Variants in PLCG2 observed in about 807,000 individuals in gnomAD.
PLCG2 encodes phospholipase C gamma 2.
In PLCG2, 69 loss-of-function variants were observed where a neutral mutation model predicts 175.6. The ratio of observed to expected loss-of-function variants is 0.39; its 90% CI spans 0.32 to 0.48. The LOEUF is 0.48. Among genes scored for constraint, PLCG2 ranks in the 20% least tolerant of loss-of-function variants. The probability of loss-of-function intolerance (pLI) is 0.91; values close to 1 mark genes in which losing one functional copy is unlikely to be tolerated. For missense variants in PLCG2, 1,798 were observed against 1,650.9 expected, an observed-to-expected ratio of 1.09 and a Z score of -1.54; for synonymous variants, 827 against 624.0, an observed-to-expected ratio of 1.33 and a Z score of -4.85.
intron 4 of PLCG2, among the ~76,000 whole-genome samples, 181 bp downstream of exon 4, chr16:81,858,537 A>G (rs1178989459): frequency 6.6e-6 from 1 of 152,192 alleles, no homozygotes; most frequent in African/African-American, 2.4e-5. Flanking sequence ...TTTTCAAATA[A>G]GAGCATTTCC....
rs944889432 is a variant in PLCG2 at position 81,848,715 on chromosome 16, C to G, written c.194-5729C>G. On this transcript the variant is annotated intron_variant, in intron 2 of 32. Coordinates refer to ENST00000564138, the MANE Select transcript of PLCG2 (RefSeq NM_002661.5). ...TTTCCAAGAACTACTTATTGGGCCCCGCTGTGTGCCAGCTACTCTGATAGG... is the reference window on the plus strand; with the variant it reads ...TTTCCAAGAACTACTTATTGGGCCCGGCTGTGTGCCAGCTACTCTGATAGG... 2.6e-5 allele frequency among the ~76,000 whole-genome samples: 4 copies of G among 152,138 alleles called. No individual in the cohort carries two copies. In the South Asian group the frequency reaches 8.3e-4, roughly 32 times the overall value.
chr16:81,814,572 G>A (rs1238444506), intron 2 of PLCG2, among the ~76,000 whole-genome samples: 2 of 152,184 alleles, frequency 1.3e-5, no homozygotes, highest in South Asian at 2.1e-4. Context: ...GCATGTGCCT[G>A]TAATCCTAGC....
chr16:81,958,243 T>A lies in PLCG2; in HGVS notation c.*245T>A. On this transcript the variant is annotated 3_prime_UTR_variant, in exon 33 of 33. Coordinates refer to ENST00000564138, the MANE Select transcript of PLCG2 (RefSeq NM_002661.5). ...GATTCCCCAAAATGTGCTCCTCATT[T>A]TTGGCCTCTCATGTTCCAAACCTCA... The A allele has an allele frequency of 1.9e-6, 1 of 525,344 alleles. No homozygotes were observed. The highest frequency in any genetic ancestry group is 3.4e-6 in the Non-Finnish European group (1 of 290,696). The allele number at this position is 525,344 out of a possible 1,614,324, so 32.5% of individuals were successfully genotyped here. A position where few individuals can be genotyped will look rare whatever the true frequency, so the allele number is the denominator to read the frequency against.
At position 81,927,189 on chromosome 16, in the gene PLCG2, C is replaced by G. The variant is rs1910310581; in HGVS notation, c.2514+11C>G. Reference sequence around the variant, plus strand: ...GAGCTAGAAAAGCAGGTGAGTCCCCCTCTTCGATCCTCTTACAGGAAGAAG... The same window carrying G: ...GAGCTAGAAAAGCAGGTGAGTCCCCGTCTTCGATCCTCTTACAGGAAGAAG... On this transcript the variant is annotated intron_variant, in intron 23 of 32. Coordinates refer to ENST00000564138, the MANE Select transcript of PLCG2 (RefSeq NM_002661.5). 2 of 1,550,810 alleles carry G rather than the reference C, an allele frequency of 1.3e-6. No homozygotes were observed. The highest frequency in any genetic ancestry group is 2.2e-5 in the East Asian group (1 of 44,588).
At chr16:81,815,448 G>A (rs1445145398) in intron 2 of PLCG2, among the ~76,000 whole-genome samples, 1 of 152,190 alleles carries the variant, frequency 6.6e-6, no homozygotes, top group Non-Finnish European at 1.5e-5. Context: ...AAACTGCAGG[G>A]GCTGAGAGAC....
intron 2 of PLCG2, among the ~76,000 whole-genome samples, chr16:81,844,050 C>T (rs149647312): frequency 1.6e-3 from 247 of 150,184 alleles, no homozygotes; most frequent in African/African-American, 5.8e-3. Context: ...GACGTCGGCT[C>T]ACTACAAGCT....
chr16:81,894,905 AT>A (rs1908809768), intron 12 of PLCG2, among the ~76,000 whole-genome samples: 1 of 152,074 alleles, frequency 6.6e-6, no homozygotes, highest in Non-Finnish European at 1.5e-5. Flanking sequence ...AATAAATAAA[AT>A]AAAAAAGGCA....
intron 1 of PLCG2, among the ~76,000 whole-genome samples, chr16:81,785,496 A>ATTT (rs10555890): frequency 8.8e-5 from 13 of 147,540 alleles, no homozygotes; most frequent in African/African-American, 3.2e-4. Context: ...CGTTTATTTC[A>ATTT]TTTTTTTTTT....
At chr16:81,866,809 C>G (rs547266219) in intron 5 of PLCG2, among the ~76,000 whole-genome samples, 9 of 152,242 alleles carry the variant, frequency 5.9e-5, no homozygotes, top group African/African-American at 1.9e-4. Context: ...CCCACGACCC[C>G]TCTCGCTGCC....
chr16:81,942,611 C>G (rs1421481331), intron 30 of PLCG2, among the ~76,000 whole-genome samples: 1 of 152,174 alleles, frequency 6.6e-6, no homozygotes, highest in Admixed American at 6.5e-5. Context: ...TGTTAGGTAC[C>G]TTAAACTCTT....
intron 2 of PLCG2, among the ~76,000 whole-genome samples, chr16:81,819,186 G>A (rs1229091116): frequency 6.6e-6 from 1 of 152,094 alleles, no homozygotes; most frequent in Non-Finnish European, 1.5e-5. Context: ...CAAAGACCTT[G>A]TTGGGTGCCG....
intron 2 of PLCG2, among the ~76,000 whole-genome samples, chr16:81,854,211 CA>C (rs1321165210): frequency 6.6e-6 from 1 of 152,192 alleles, no homozygotes; most frequent in Non-Finnish European, 1.5e-5. Flanking sequence ...GCGGAAACCC[CA>C]AACTCTTCAG....
intron 2 of PLCG2, 125 bp from the exon 3 acceptor site, chr16:81,854,319 A>T: frequency 1.2e-6 from 1 of 839,876 alleles, no homozygotes; most frequent in Non-Finnish European, 2.0e-6. Flanking sequence ...AGACGCAGAG[A>T]TAGCTTTGCG....
At chr16:81,921,343 G>A (rs1485727507) in intron 21 of PLCG2, 74 bp downstream of exon 21, 1 of 1,022,488 alleles carries the variant, frequency 9.8e-7, no homozygotes, top group Non-Finnish European at 1.6e-6. Context: ...TGTTCCCATG[G>A]CAGTTATAAC....
chr16:81,757,089 C>G (rs943868805), intron 2 of PLCG2, among the ~76,000 whole-genome samples: 3 of 152,158 alleles, frequency 2.0e-5, no homozygotes, highest in African/African-American at 7.2e-5. Flanking sequence ...AAAAGACAAT[C>G]ATTTTGGAAT....
chr16:81,939,899 T>A lies in PLCG2; in HGVS notation c.3321T>A (p.Asn1107Lys). ...GCTTTGATCTCCTTCCAGATGATAATGGCCTCAGCCCTATCTGGGCTCCAA... is the reference window on the plus strand; with the variant it reads ...GCTTTGATCTCCTTCCAGATGATAAAGGCCTCAGCCCTATCTGGGCTCCAA... ...NKFKTTVVND[N>K]GLSPIWAPTQ... The change falls in exon 30 of 33, where the codon AAT becomes AAA. Residue 1107 changes from asparagine (N) to lysine (K), a missense_variant. By Grantham distance (94) the Asn-to-Lys change is moderately conservative. Transcript: ENST00000564138. The A allele has an allele frequency of 1.2e-6, 2 of 1,612,900 alleles. No individual in the cohort carries two copies. The highest frequency in any genetic ancestry group is 1.7e-6 in the Non-Finnish European group (2 of 1,178,880).
chr16:81,810,920 C>G (rs903201306), intron 2 of PLCG2, among the ~76,000 whole-genome samples: 1 of 152,168 alleles, frequency 6.6e-6, no homozygotes, highest in African/African-American at 2.4e-5. Flanking sequence ...TTTTGCTTCC[C>G]TCTCTAAGAG....
intron 2 of PLCG2, among the ~76,000 whole-genome samples, chr16:81,822,966 C>G (rs1479697973): frequency 6.6e-6 from 1 of 152,156 alleles, no homozygotes; most frequent in African/African-American, 2.4e-5. Context: ...CCAGTGCTGC[C>G]GACACCTTGG....
intron 30 of PLCG2, 150 bp from the exon 31 acceptor site, chr16:81,946,025 C>G (rs559019550): frequency 1.5e-6 from 1 of 666,414 alleles, no homozygotes; most frequent in African/African-American, 1.8e-5. Flanking sequence ...AGGATAGGAC[C>G]TCTGGCTTCC....
Sources: gnomAD v4.1 joint callset for allele counts (sites outside exome capture counted in the v4.1 genomes callset) on GRCh38, gnomAD v4.1.1 for gene constraint, MANE v1.5 for transcripts, NCBI Gene and HGNC (gene_info 2026-07-23, HGNC 2026-07-21) for gene names.